BBS9: variants seen among roughly 807,000 people sequenced by gnomAD.
The protein encoded by BBS9 is protein PTHB1.
BBS9 carries 89 observed loss-of-function variants against 117.7 expected under a neutral mutation model. That is an observed-to-expected ratio of 0.76 (90% confidence interval 0.64 to 0.90). The LOEUF (loss-of-function observed/expected upper bound fraction) is 0.90, where lower values mean the gene tolerates loss of function less well. Ranked by LOEUF, BBS9 falls within the 40% of genes least tolerant of loss-of-function variation. The probability of loss-of-function intolerance (pLI) is 0.00; values close to 1 mark genes in which losing one functional copy is unlikely to be tolerated. For synonymous variants in BBS9, 379 were observed against 370.9 expected (o/e 1.02, Z -0.25); for missense variants, 982 against 1,042.2 (o/e 0.94, Z 0.80).
intron 19 of BBS9, among the ~76,000 whole-genome samples, chr7:33,456,735 A>G (rs1455696234): frequency 1.3e-5 from 2 of 152,178 alleles, no homozygotes; most frequent in Non-Finnish European, 2.9e-5. Flanking sequence ...GTAGGATGCT[A>G]CTAAATAATA....
chr7:33,532,174 A>C (rs923017430), intron 20 of BBS9, among the ~76,000 whole-genome samples: 8 of 152,244 alleles, frequency 5.3e-5, no homozygotes, highest in African/African-American at 1.9e-4. Flanking sequence ...GCAAGTCATT[A>C]AATGGGAGTT....
At chr7:33,357,773 G>C in intron 15 of BBS9, 82 bp from the exon 16 acceptor site, 1 of 1,436,328 alleles carries the variant, frequency 7.0e-7, no homozygotes, top group Non-Finnish European at 9.8e-7. Flanking sequence ...ATATATTGCT[G>C]CTCAAACTAT....
chr7:33,232,376 A>G (rs1473814799), intron 5 of BBS9, among the ~76,000 whole-genome samples: 1 of 152,188 alleles, frequency 6.6e-6, no homozygotes, highest in Non-Finnish European at 1.5e-5. Flanking sequence ...AAGTTTAGAT[A>G]TAAATAGAAA....
chr7:33,618,875 CA>C (rs1865271019), intron 21 of BBS9, among the ~76,000 whole-genome samples: 1 of 151,114 alleles, frequency 6.6e-6, no homozygotes, highest in Admixed American at 6.6e-5. Context: ...AGTGGGTACA[CA>C]AAAGAGAAAG....
chr7:33,261,958 G>C (rs1798048658), intron 6 of BBS9, among the ~76,000 whole-genome samples: 1 of 152,058 alleles, frequency 6.6e-6, no homozygotes, highest in Non-Finnish European at 1.5e-5. Context: ...TGAGTGGTAA[G>C]AAAAAAGATC....
rs141504651 is a variant in BBS9, at chr7:33,200,918, A to G, written c.442+23327A>G. 9.7e-4 allele frequency among the ~76,000 whole-genome samples: 148 copies of G among 152,220 alleles called. 2 individuals are homozygous for G. In the East Asian group the frequency reaches 0.026, roughly 26 times the overall value. On this transcript the variant is annotated intron_variant, in intron 5 of 22. Transcript: ENST00000242067. Reference sequence around the variant, plus strand: ...TTAGCTTTATTGGCTATCAATTTCTATTTGACAGCCATACAATAAAGGCTG... The same window carrying G: ...TTAGCTTTATTGGCTATCAATTTCTGTTTGACAGCCATACAATAAAGGCTG...
At chr7:33,243,460 T>C (rs755732397) in intron 5 of BBS9, among the ~76,000 whole-genome samples, 1 of 152,206 alleles carries the variant, frequency 6.6e-6, no homozygotes, top group East Asian at 1.9e-4. Flanking sequence ...CCAATTAATA[T>C]TGGGAAGATT....
chr7:33,447,798 A>G (rs1005784044), intron 19 of BBS9, among the ~76,000 whole-genome samples: 4 of 152,148 alleles, frequency 2.6e-5, no homozygotes, highest in African/African-American at 9.7e-5. Context: ...TATTTTTGGA[A>G]AGTTCCAAAC....
At chr7:33,542,335 G>A (rs1244575343) in intron 21 of BBS9, among the ~76,000 whole-genome samples, 4 of 151,982 alleles carry the variant, frequency 2.6e-5, no homozygotes, top group East Asian at 1.9e-4. Context: ...CACCCACCTC[G>A]GCCTCCCAAA....
intron 21 of BBS9, among the ~76,000 whole-genome samples, chr7:33,562,797 G>A (rs1407197439): frequency 1.3e-5 from 2 of 152,030 alleles, no homozygotes; most frequent in African/African-American, 4.8e-5. Flanking sequence ...GGTGGCACGC[G>A]CCTGTAGTCC....
chr7:33,624,615 T>A (rs1374730158), intron 21 of BBS9, among the ~76,000 whole-genome samples: 1 of 152,236 alleles, frequency 6.6e-6, no homozygotes, highest in Non-Finnish European at 1.5e-5. Flanking sequence ...ATATAGGTCT[T>A]AACCCTGTAT....
At chr7:33,257,506 A>C (rs1797280062) in intron 6 of BBS9, 96 bp downstream of exon 6, 1 of 1,065,502 alleles carries the variant, frequency 9.4e-7, no homozygotes, top group East Asian at 2.4e-5. Context: ...TCACAAATGA[A>C]AAAGAGATCG....
intron 21 of BBS9, among the ~76,000 whole-genome samples, chr7:33,595,971 T>A (rs1862683318): frequency 6.6e-6 from 1 of 151,490 alleles, no homozygotes; most frequent in Admixed American, 6.6e-5. Context: ...AGTGGAACAG[T>A]GAGAACACAT....
At chr7:33,366,278 G>T (rs951693673) in intron 16 of BBS9, among the ~76,000 whole-genome samples, 1 of 152,136 alleles carries the variant, frequency 6.6e-6, no homozygotes, top group Non-Finnish European at 1.5e-5. Flanking sequence ...GTCACCAATA[G>T]GCTGTTGCCT....
intron 13 of BBS9, among the ~76,000 whole-genome samples, chr7:33,349,579 A>G (rs1818255273): frequency 6.6e-6 from 1 of 152,064 alleles, no homozygotes; most frequent in East Asian, 1.9e-4. Context: ...GGACTACAGG[A>G]AAACACCACC....
At chr7:33,190,674 C>T (rs1783978179) in intron 5 of BBS9, among the ~76,000 whole-genome samples, 1 of 152,164 alleles carries the variant, frequency 6.6e-6, no homozygotes, top group South Asian at 2.1e-4. Flanking sequence ...TTGTCACATT[C>T]TAGTCCATGT....
chr7:33,483,661 C>T (rs1029812552), intron 19 of BBS9, among the ~76,000 whole-genome samples: 30 of 150,192 alleles, frequency 2.0e-4, no homozygotes, highest in Non-Finnish European at 3.8e-4. Flanking sequence ...GAGCCAGAAT[C>T]TCACTCTATT....
chr7:33,482,628 A>G (rs549268522), intron 19 of BBS9, among the ~76,000 whole-genome samples: 1 of 152,354 alleles, frequency 6.6e-6, no homozygotes, highest in Admixed American at 6.5e-5. Flanking sequence ...ATTTCTTTCA[A>G]TTTAAGAGTT....
chr7:33,318,947 G>A (rs1044610264), intron 9 of BBS9, among the ~76,000 whole-genome samples: 5 of 152,166 alleles, frequency 3.3e-5, no homozygotes, highest in East Asian at 3.9e-4. Flanking sequence ...GGCGGATCAC[G>A]AGGTCAGGAG....
Sources: allele counts gnomAD v4.1 joint callset (sites outside exome capture counted in the v4.1 genomes callset), GRCh38; gene constraint gnomAD v4.1.1; transcripts MANE v1.5; gene names NCBI Gene and HGNC (gene_info 2026-07-23, HGNC 2026-07-21).